Variants in FANCC observed in about 807,000 individuals in gnomAD.
The protein encoded by FANCC is FA complementation group C.
Under a neutral mutation model 71.3 loss-of-function variants are expected in FANCC, and 55 were observed. The observed-to-expected ratio is 0.77, with a 90% CI of 0.62 to 0.97. FANCC has a LOEUF of 0.97. Among genes scored for constraint, FANCC ranks in the 50% least tolerant of loss-of-function variants. The pLI is 0.00. For missense variants in FANCC, 678 were observed against 670.9 expected (o/e 1.01, Z -0.12); for synonymous variants, 275 against 244.9 (o/e 1.12, Z -1.15).
intron 6 of FANCC, among the ~76,000 whole-genome samples, chr9:95,159,451 A>G (rs967395801): frequency 1.6e-3 from 249 of 152,290 alleles, no homozygotes; most frequent in African/African-American, 5.7e-3. Flanking sequence ...ATTTAGGTTC[A>G]TTCCAAGTCT....
At chr9:95,198,163 T>G (rs895694714) in intron 4 of FANCC, among the ~76,000 whole-genome samples, 2 of 152,188 alleles carry the variant, frequency 1.3e-5, no homozygotes, top group African/African-American at 4.8e-5. Flanking sequence ...ATGGAATTTC[T>G]GAAATGCTAC....
intron 7 of FANCC, among the ~76,000 whole-genome samples, chr9:95,148,224 G>A (rs567151219): frequency 7.9e-5 from 12 of 152,222 alleles, no homozygotes; most frequent in Middle Eastern, 3.4e-3. Context: ...AATTCTGTAC[G>A]GTGAAAAGGA....
At chr9:95,281,219 C>A (rs1418554158) in intron 1 of FANCC, among the ~76,000 whole-genome samples, 1 of 151,918 alleles carries the variant, frequency 6.6e-6, no homozygotes, top group Non-Finnish European at 1.5e-5. Flanking sequence ...CAGATTTAAT[C>A]CAAATAACAC....
At chr9:95,211,166 C>A (rs768807649) in intron 4 of FANCC, among the ~76,000 whole-genome samples, 1 of 152,156 alleles carries the variant, frequency 6.6e-6, no homozygotes, top group Non-Finnish European at 1.5e-5. Flanking sequence ...GCAGAAAAAC[C>A]AATGAGGGAA....
At chr9:95,203,184 C>T (rs1296450829) in intron 4 of FANCC, among the ~76,000 whole-genome samples, 1 of 151,920 alleles carries the variant, frequency 6.6e-6, no homozygotes, top group Non-Finnish European at 1.5e-5. Context: ...ATCACTTGAG[C>T]TCAGGAGTTC....
At chr9:95,204,928 C>T (rs1322054879) in intron 4 of FANCC, among the ~76,000 whole-genome samples, 2 of 152,142 alleles carry the variant, frequency 1.3e-5, no homozygotes, top group Non-Finnish European at 2.9e-5. Context: ...CTTCAAAATA[C>T]CAAAGGGGAT....
chr9:95,114,010 G>A (rs370542486), intron 12 of FANCC: 32 of 161,164 alleles, frequency 2.0e-4, no homozygotes, highest in Admixed American at 7.4e-4. Context: ...TCACCTAAGC[G>A]CAGGAATTTG....
At chr9:95,297,341 T>G (rs1834443739) in intron 1 of FANCC, among the ~76,000 whole-genome samples, 1 of 152,226 alleles carries the variant, frequency 6.6e-6, no homozygotes. Context: ...CGTGCTTTTA[T>G]ATTTTGATCT....
At chr9:95,155,337 G>A (rs1176466086) in intron 6 of FANCC, among the ~76,000 whole-genome samples, 1 of 58,222 alleles carries the variant, frequency 1.7e-5, no homozygotes, top group Non-Finnish European at 3.5e-5. Context: ...GAGGAAGGAA[G>A]GGAGGAAGGG....
At chr9:95,246,057 C>A (rs774633801) in intron 3 of FANCC, among the ~76,000 whole-genome samples, 16 of 152,280 alleles carry the variant, frequency 1.1e-4, no homozygotes, top group Non-Finnish European at 2.4e-4. Flanking sequence ...TGCATATCCA[C>A]GTGCATATGC....
At chr9:95,288,737 CTT>C (rs745843657) in intron 1 of FANCC, among the ~76,000 whole-genome samples, 12 of 144,474 alleles carry the variant, frequency 8.3e-5, no homozygotes, top group African/African-American at 1.8e-4. Flanking sequence ...GGGCATTTCA[CTT>C]TTTTTTTTTT....
chr9:95,312,597 C>T lies in FANCC; in HGVS notation c.-79+4929G>A, dbSNP rs372295780. 7.9e-5 allele frequency among the ~76,000 whole-genome samples: 12 copies of T among 152,226 alleles called. No individual in the cohort carries two copies. In the East Asian group the frequency reaches 1.2e-3, roughly 15 times the overall value. ...AAACTCCTAGTCTCAAGTAATTCTC[C>T]CAAGCCCTGCGGCCTCGCAAAGTGC... On this transcript the variant is annotated intron_variant, in intron 1 of 14. Transcript: ENST00000289081.
intron 10 of FANCC, among the ~76,000 whole-genome samples, chr9:95,119,365 CTTTTTT>C (rs34433881): frequency 7.1e-6 from 1 of 141,282 alleles, no homozygotes; most frequent in East Asian, 2.1e-4. Flanking sequence ...TCTTCCTTTT[CTTTTTT>C]TTTTTTTTTA....
At chr9:95,214,869 T>G (rs1011883982) in intron 4 of FANCC, among the ~76,000 whole-genome samples, 4 of 152,154 alleles carry the variant, frequency 2.6e-5, no homozygotes, top group African/African-American at 4.8e-5. Flanking sequence ...TACTGTTGAA[T>G]GGGTACTGTT....
chr9:95,277,793 C>A (rs1833133284), intron 1 of FANCC, among the ~76,000 whole-genome samples: 1 of 152,036 alleles, frequency 6.6e-6, no homozygotes, highest in Admixed American at 6.6e-5. Context: ...AGTTGTCAAC[C>A]AAGAATCCCA....
chr9:95,118,131 G>C (rs2072576994), intron 10 of FANCC, among the ~76,000 whole-genome samples: 1 of 152,078 alleles, frequency 6.6e-6, no homozygotes, highest in Non-Finnish European at 1.5e-5. Context: ...TGATTCTCCT[G>C]CCTCAGCCTC....
chr9:95,296,416 ATGT>A (rs1361656181), intron 1 of FANCC, among the ~76,000 whole-genome samples: 2 of 152,212 alleles, frequency 1.3e-5, no homozygotes, highest in African/African-American at 2.4e-5. Context: ...CTGAAAATAA[ATGT>A]TGTCTTTAAA....
rs118117900 is a variant in FANCC, at chr9:95,152,772, A to G, written c.522-2685T>C. ...CTGCACCTAATGTGTAGTTTTTTTC[A>G]CTACCCCCCATCCCACTCTCCTCCC... On this transcript the variant is annotated intron_variant, in intron 6 of 14. Transcript: ENST00000289081. 3.3e-3 allele frequency among the ~76,000 whole-genome samples: 500 copies of G among 151,888 alleles called. 9 individuals carry two copies. The East Asian group carries it at 0.043, about 13-fold the overall frequency.
intron 1 of FANCC, among the ~76,000 whole-genome samples, chr9:95,303,207 G>T (rs1834860058): frequency 6.6e-6 from 1 of 152,166 alleles, no homozygotes; most frequent in Non-Finnish European, 1.5e-5. Context: ...AGTGAATTTT[G>T]AATTTTATTT....
Sources: gnomAD v4.1 joint callset for allele counts (sites outside exome capture counted in the v4.1 genomes callset) on GRCh38, gnomAD v4.1.1 for gene constraint, MANE v1.5 for transcripts, NCBI Gene and HGNC (gene_info 2026-07-23, HGNC 2026-07-21) for gene names.